The following HACE1 variants were observed in gnomAD, a reference collection of about 807,000 sequenced individuals.
The protein encoded by HACE1 is HECT domain and ankyrin repeat containing E3 ubiquitin protein ligase 1, also known as E3 ubiquitin-protein ligase HACE1.
Under a neutral mutation model 118.4 loss-of-function variants are expected in HACE1, and 73 were observed. The ratio of observed to expected loss-of-function variants is 0.62; its 90% CI spans 0.51 to 0.75. HACE1 has a LOEUF of 0.75. HACE1 is among the 30% of genes least tolerant of loss of function. HACE1 has a pLI of 0.00. For missense variants in HACE1, 749 were observed against 1,102.2 expected, an observed-to-expected ratio of 0.68 and a Z score of 4.54; for synonymous variants, 368 against 374.8, an observed-to-expected ratio of 0.98 and a Z score of 0.21.
rs144777260 is a variant in HACE1 at position 104,774,663 on chromosome 6, C to G, written c.1864+2078G>C. On this transcript the variant is annotated intron_variant, in intron 17 of 23. Transcript: ENST00000262903. ...CCTCCCAAAGTGCTGGGATTACAGG[C>G]ATGAGCCACCGCGCCCAAGCAGGTA... Among the ~76,000 whole-genome samples, 1,482 of 152,226 alleles carry G rather than the reference C, an allele frequency of 9.7e-3. 9 individuals carry two copies. The highest frequency in any genetic ancestry group is 0.016 in the Non-Finnish European group (1,092 of 67,994).
intron 6 of HACE1, among the ~76,000 whole-genome samples, chr6:104,817,248 C>T (rs1772217177): frequency 6.6e-6 from 1 of 152,030 alleles, no homozygotes; most frequent in Admixed American, 6.6e-5. Flanking sequence ...GATTTGTGTC[C>T]CCGCCAAATC....
chr6:104,771,806 TG>T, intron 18 of HACE1, 118 bp downstream of exon 18: 1 of 751,536 alleles, frequency 1.3e-6, no homozygotes, highest in South Asian at 1.7e-5. Flanking sequence ...CATATACAGA[TG>T]GGCTCCAATC....
chr6:104,851,719 G>A (rs115849592), intron 2 of HACE1, among the ~76,000 whole-genome samples: 2,664 of 125,988 alleles, frequency 0.021, 75 homozygotes, highest in African/African-American at 0.065. Context: ...TACCAGGTAG[G>A]AAATTTAAAA....
At chr6:104,798,707 T>C (rs1769968499) in intron 7 of HACE1, among the ~76,000 whole-genome samples, 1 of 152,192 alleles carries the variant, frequency 6.6e-6, no homozygotes, top group Non-Finnish European at 1.5e-5. Flanking sequence ...GTGGTTAATG[T>C]TTCATTTACA....
intron 14 of HACE1, among the ~76,000 whole-genome samples, chr6:104,780,956 C>T (rs1288788076): frequency 1.3e-5 from 2 of 152,118 alleles, no homozygotes; most frequent in Admixed American, 6.5e-5. Context: ...TGTATTTAGT[C>T]TGATGATTCC....
intron 19 of HACE1, among the ~76,000 whole-genome samples, chr6:104,756,208 C>T (rs1270216617): frequency 2.0e-5 from 3 of 151,740 alleles, no homozygotes; most frequent in African/African-American, 7.3e-5. Context: ...GTCAGGAGTT[C>T]TAGACCAGCT....
intron 19 of HACE1, among the ~76,000 whole-genome samples, chr6:104,769,016 T>C (rs564300196): frequency 2.6e-3 from 397 of 152,194 alleles, no homozygotes; most frequent in African/African-American, 8.9e-3. Context: ...AGCATAAATA[T>C]AGATATACCT....
chr6:104,730,128 C>T (rs1775046528), intron 23 of HACE1, among the ~76,000 whole-genome samples, 175 bp downstream of exon 23: 1 of 152,062 alleles, frequency 6.6e-6, no homozygotes, highest in African/African-American at 2.4e-5. Flanking sequence ...CAAACATTTT[C>T]CCTACCAAAA....
At chr6:104,766,729 TA>T (rs1780052509) in intron 19 of HACE1, 1 of 152,244 alleles carries the variant, frequency 6.6e-6, no homozygotes, top group South Asian at 2.1e-4. Flanking sequence ...GACATCCATT[TA>T]AAATAAGAAA....
At chr6:104,796,265 T>C (rs567408507) in intron 9 of HACE1, among the ~76,000 whole-genome samples, 1 of 152,044 alleles carries the variant, frequency 6.6e-6, no homozygotes, top group South Asian at 2.1e-4. Context: ...TGCATGCCAC[T>C]ACACTTAGCT....
At chr6:104,853,816 G>A (rs1419350472) in intron 1 of HACE1, among the ~76,000 whole-genome samples, 1 of 152,064 alleles carries the variant, frequency 6.6e-6, no homozygotes, top group African/African-American at 2.4e-5. Flanking sequence ...CTTATCCGCA[G>A]GGGATACATT....
At chr6:104,756,970 G>C (rs1031734206) in intron 19 of HACE1, among the ~76,000 whole-genome samples, 3 of 152,216 alleles carry the variant, frequency 2.0e-5, no homozygotes, top group African/African-American at 4.8e-5. Context: ...ATTGACCTGG[G>C]TCGCTGGACC....
intron 17 of HACE1, among the ~76,000 whole-genome samples, chr6:104,773,126 T>C (rs1244913664): frequency 6.6e-6 from 1 of 152,230 alleles, no homozygotes; most frequent in African/African-American, 2.4e-5. Context: ...CTATTTTTCC[T>C]ATTTTTCTGT....
At position 104,843,166 on chromosome 6, in the gene HACE1, C is replaced by G. The variant is rs74706152; in HGVS notation, c.402+57G>C. On this transcript the variant is annotated intron_variant, in intron 5 of 23. Coordinates refer to ENST00000262903, the MANE Select transcript of HACE1 (RefSeq NM_020771.4). ...CTACACTTTGCCTAACTGTCACATT[C>G]AATATCATTTTCTAAAACATACTTT... The G allele has an allele frequency of 6.0e-4, 549 of 922,164 alleles. 2 individuals carry two copies. The African/African-American group carries it at 8.1e-3, about 14-fold the overall frequency. The allele number at this position is 922,164 out of a possible 1,614,324, so 57.1% of individuals were successfully genotyped here.
chr6:104,846,728 T>C (rs1051287858), intron 4 of HACE1, among the ~76,000 whole-genome samples: 5 of 152,176 alleles, frequency 3.3e-5, no homozygotes, highest in African/African-American at 4.8e-5. Context: ...TCAGTGTGGA[T>C]AAATGTGAAC....
At chr6:104,821,773 A>T (rs1466556887) in intron 6 of HACE1, among the ~76,000 whole-genome samples, 1 of 152,216 alleles carries the variant, frequency 6.6e-6, no homozygotes, top group African/African-American at 2.4e-5. Flanking sequence ...ATTCTTCTGA[A>T]TTCAGATTAC....
chr6:104,764,709 G>C (rs1779781670), intron 19 of HACE1, among the ~76,000 whole-genome samples: 1 of 152,094 alleles, frequency 6.6e-6, no homozygotes. Context: ...TGAGCAATTG[G>C]AGCCTTATAA....
chr6:104,798,233 C>T (rs1769905196), intron 7 of HACE1, among the ~76,000 whole-genome samples: 1 of 152,066 alleles, frequency 6.6e-6, no homozygotes, highest in African/African-American at 2.4e-5. Context: ...GCTTCTAGAC[C>T]TATACTCTTT....
At position 104,852,218 on chromosome 6, in the gene HACE1, T is replaced by C. The variant is rs1776291090; in HGVS notation, c.131+99A>G. On this transcript the variant is annotated intron_variant, in intron 2 of 23. Transcript: ENST00000262903. ...AACTGTCTGTGTGTGTGTGTGTGTG[T>C]GTGTGTGTGTGCGCGCGTGCGCGTG... is the stretch of plus-strand genomic sequence containing the variant. The C allele has an allele frequency of 4.2e-6, 3 of 709,646 alleles. No homozygotes were observed. In the African/African-American group the frequency reaches 6.1e-5, roughly 14 times the overall value. 44.0% of individuals were successfully genotyped at this position (709,646 alleles called of 1,614,324 possible).
Sources: gnomAD v4.1 joint callset for allele counts (sites outside exome capture counted in the v4.1 genomes callset) on GRCh38, gnomAD v4.1.1 for gene constraint, MANE v1.5 for transcripts, NCBI Gene and HGNC (gene_info 2026-07-23, HGNC 2026-07-21) for gene names.